The following RBFOX1 variants were observed in gnomAD, a reference collection of about 807,000 sequenced individuals.
RBFOX1 encodes the protein RNA binding fox-1 homolog 1.
RBFOX1 carries 8 observed loss-of-function variants against 57.7 expected under a neutral mutation model. The ratio of observed to expected loss-of-function variants is 0.14; its 90% CI spans 0.08 to 0.25. The LOEUF (loss-of-function observed/expected upper bound fraction) is 0.25, where lower values mean the gene tolerates loss of function less well. Among genes scored for constraint, RBFOX1 ranks in the 10% least tolerant of loss-of-function variants. The probability of loss-of-function intolerance (pLI) is 1.00; values close to 1 mark genes in which losing one functional copy is unlikely to be tolerated. For synonymous variants in RBFOX1, 326 were observed against 222.4 expected, an observed-to-expected ratio of 1.47 and a Z score of -4.15; for missense variants, 611 against 548.5, an observed-to-expected ratio of 1.11 and a Z score of -1.14.
intron 3 of RBFOX1, among the ~76,000 whole-genome samples, chr16:7,020,320 G>T (rs571942692): frequency 4.6e-5 from 7 of 152,176 alleles, no homozygotes; most frequent in African/African-American, 1.4e-4. Flanking sequence ...CTGTCCGCCA[G>T]GTTCAAGTGA....
intron 1 of RBFOX1, among the ~76,000 whole-genome samples, chr16:6,132,251 C>G (rs965053216): frequency 6.6e-6 from 1 of 152,170 alleles, no homozygotes; most frequent in Non-Finnish European, 1.5e-5. Context: ...TCCCTTGGCT[C>G]TTCTCTATTT....
chr16:5,849,400 G>T, intron 3 of RBFOX1, among the ~76,000 whole-genome samples: 1 of 152,098 alleles, frequency 6.6e-6, no homozygotes, highest in East Asian at 1.9e-4. Context: ...GAAAGGGAGG[G>T]GGATGTGTCT....
chr16:5,752,898 C>T (rs991379541), intron 3 of RBFOX1, among the ~76,000 whole-genome samples: 1 of 152,092 alleles, frequency 6.6e-6, no homozygotes, highest in Admixed American at 6.6e-5. Context: ...AAAGAGTGCC[C>T]AGCACTTTGG....
rs368598059 is a variant in RBFOX1 at position 6,616,330 on chromosome 16, C to CACCCCCA, written c.-63-38269_-63-38263dup. Among the ~76,000 whole-genome samples the CACCCCCA allele has an allele frequency of 3.3e-3, 498 of 151,956 alleles. 6 individuals are homozygous for CACCCCCA. The highest frequency in any genetic ancestry group is 0.011 in the African/African-American group (467 of 41,468). ...ACATGCTATAATCTGTAGAGAAATC[C>CACCCCCA]ACCCCCAACCGTGCCCAGTGATAGT... On this transcript the variant is annotated intron_variant, in intron 2 of 15. Coordinates refer to ENST00000550418, the MANE Select transcript of RBFOX1 (RefSeq NM_018723.4).
At chr16:6,924,548 G>A (rs998513302) in intron 3 of RBFOX1, among the ~76,000 whole-genome samples, 1 of 152,054 alleles carries the variant, frequency 6.6e-6, no homozygotes, top group Non-Finnish European at 1.5e-5. Flanking sequence ...ATTTCAACAT[G>A]AGATTTAGAG....
chr16:6,055,149 A>T (rs746442493), intron 1 of RBFOX1, among the ~76,000 whole-genome samples: 1 of 152,114 alleles, frequency 6.6e-6, no homozygotes, highest in Non-Finnish European at 1.5e-5. Context: ...CAGGTCATTT[A>T]TAGTATTTTG....
intron 4 of RBFOX1, among the ~76,000 whole-genome samples, chr16:7,488,435 T>C (rs2065989993): frequency 5.0e-5 from 1 of 20,078 alleles, no homozygotes; most frequent in Admixed American, 1.1e-3. Flanking sequence ...TCTGCTATCA[T>C]TCTTTCGTTG....
chr16:5,421,214 A>T (rs1317603864), intron 1 of RBFOX1, among the ~76,000 whole-genome samples: 1 of 151,358 alleles, frequency 6.6e-6, no homozygotes, highest in Non-Finnish European at 1.5e-5. Context: ...CACCATGTTG[A>T]CCAGGGTGGT....
chr16:6,827,115 C>A lies in RBFOX1; in HGVS notation c.-16+172465C>A, dbSNP rs2092250627. ...ACCGAGTCTCTTAGTGTCCTTTAAT[C>A]TAACACCAGTGAATATAAGATATAC... is the stretch of plus-strand genomic sequence containing the variant. On this transcript the variant is annotated intron_variant, in intron 3 of 15. Coordinates refer to ENST00000550418, the MANE Select transcript of RBFOX1 (RefSeq NM_018723.4). 3.9e-5 allele frequency among the ~76,000 whole-genome samples: 6 copies of A among 152,210 alleles called. No homozygotes were observed. The South Asian group carries it at 1.2e-3, about 32-fold the overall frequency.
At chr16:6,860,451 C>T (rs75715792) in intron 3 of RBFOX1, among the ~76,000 whole-genome samples, 1 of 152,188 alleles carries the variant, frequency 6.6e-6, no homozygotes, top group Admixed American at 6.5e-5. Flanking sequence ...AGCGGGCGCT[C>T]TACCGTGCTG....
Position 6,402,133 on chromosome 16 carries a change from A to C in RBFOX1, c.-64+85076A>C, listed in dbSNP as rs529288617. ...AGCATTTTCTTGTGAGTCCTGTCCC[A>C]AAAAAATGCTAAGCATGCATGCAGA... On this transcript the variant is annotated intron_variant, in intron 2 of 15. Coordinates refer to ENST00000550418, the MANE Select transcript of RBFOX1 (RefSeq NM_018723.4). 4.6e-5 allele frequency among the ~76,000 whole-genome samples: 7 copies of C among 151,808 alleles called. No homozygotes were observed. In the South Asian group the frequency reaches 1.0e-3, roughly 23 times the overall value.
intron 4 of RBFOX1, among the ~76,000 whole-genome samples, chr16:7,123,628 G>C (rs1405194174): frequency 6.6e-6 from 1 of 152,128 alleles, no homozygotes; most frequent in African/African-American, 2.4e-5. Context: ...ACTTCTCAGA[G>C]TGCTGGGACT....
chr16:5,655,509 C>T (rs2049397021), intron 3 of RBFOX1, among the ~76,000 whole-genome samples: 1 of 152,162 alleles, frequency 6.6e-6, no homozygotes, highest in Non-Finnish European at 1.5e-5. Context: ...TGGCTAGGTT[C>T]AGCGATGAAT....
chr16:5,283,043 C>T (rs964488977), intron 1 of RBFOX1, among the ~76,000 whole-genome samples: 3 of 152,160 alleles, frequency 2.0e-5, no homozygotes, highest in African/African-American at 4.8e-5. Flanking sequence ...GAGTCCTAGC[C>T]ACTCCAGCTG....
At chr16:7,424,617 A>G (rs1049286014) in intron 4 of RBFOX1, among the ~76,000 whole-genome samples, 1 of 152,212 alleles carries the variant, frequency 6.6e-6, no homozygotes, top group African/African-American at 2.4e-5. Context: ...TGATGTTTAC[A>G]TCATAGCTGT....
At chr16:7,578,295 A>G (rs1221086376) in intron 5 of RBFOX1, among the ~76,000 whole-genome samples, 4 of 152,228 alleles carry the variant, frequency 2.6e-5, no homozygotes, top group Non-Finnish European at 4.4e-5. Context: ...TATTCAATCC[A>G]ACAGTATAGG....
chr16:6,962,222 C>G (rs1380505477), intron 3 of RBFOX1, among the ~76,000 whole-genome samples: 16 of 152,126 alleles, frequency 1.1e-4, no homozygotes, highest in African/African-American at 2.4e-5. Context: ...TGCACATGGC[C>G]TTCTTTCCTA....
chr16:6,731,579 A>G (rs995103090), intron 3 of RBFOX1, among the ~76,000 whole-genome samples: 1 of 152,092 alleles, frequency 6.6e-6, no homozygotes, highest in African/African-American at 2.4e-5. Flanking sequence ...TTGTGAGGCA[A>G]TTAATACTCC....
chr16:6,068,262 T>A (rs977160606), intron 1 of RBFOX1, among the ~76,000 whole-genome samples: 7 of 152,178 alleles, frequency 4.6e-5, no homozygotes, highest in Admixed American at 4.6e-4. Context: ...TCAGCAGACT[T>A]CAGCCTTACT....
Sources: allele counts gnomAD v4.1 joint callset (sites outside exome capture counted in the v4.1 genomes callset), GRCh38; gene constraint gnomAD v4.1.1; transcripts MANE v1.5; gene names NCBI Gene and HGNC (gene_info 2026-07-23, HGNC 2026-07-21).